HMGCLL1: variants seen among roughly 807,000 people sequenced by gnomAD.
The protein encoded by HMGCLL1 is 3-hydroxy-3-methylglutaryl-CoA lyase like 1, also known as 3-hydroxymethyl-3-methylglutaryl-CoA lyase, cytoplasmic.
In HMGCLL1, 36 loss-of-function variants were observed where a neutral mutation model predicts 39.1. The observed-to-expected ratio is 0.92, with a 90% confidence interval of 0.71 to 1.22. The LOEUF is 1.22. Among genes scored for constraint, HMGCLL1 ranks in the 50% most tolerant of loss-of-function variants. The probability of loss-of-function intolerance (pLI) is 0.00; values close to 1 mark genes in which losing one functional copy is unlikely to be tolerated. For missense variants in HMGCLL1, 451 were observed against 416.5 expected (o/e 1.08, Z -0.72); for synonymous variants, 149 against 144.0 (o/e 1.03, Z -0.25).
At chr6:55,656,202 C>CTAAT in the HMGCLL1 span, among the ~76,000 whole-genome samples, 1 of 151,720 alleles carries the variant, frequency 6.6e-6, no homozygotes, top group African/African-American at 2.4e-5. Context: ...ACATCATTAC[C>CTAAT]TAATTCATTT....
At chr6:55,556,280 G>C (rs1770661450) in intron 1 of HMGCLL1, among the ~76,000 whole-genome samples, 1 of 152,074 alleles carries the variant, frequency 6.6e-6, no homozygotes, top group African/African-American at 2.4e-5. Flanking sequence ...GGAACTAAGG[G>C]AATAAGAAAT....
chr6:55,616,512 G>A, the HMGCLL1 span, among the ~76,000 whole-genome samples: 7 of 152,094 alleles, frequency 4.6e-5, no homozygotes, highest in Admixed American at 2.6e-4. Context: ...ATCATGAGCT[G>A]AATAAATGGA....
the HMGCLL1 span, among the ~76,000 whole-genome samples, chr6:55,598,551 A>C: frequency 6.6e-6 from 1 of 152,206 alleles, no homozygotes; most frequent in African/African-American, 2.4e-5. Flanking sequence ...CATTTCTGAA[A>C]GTCCACCAGT....
intron 1 of HMGCLL1, among the ~76,000 whole-genome samples, chr6:55,574,113 ATGTG>A (rs901805690): frequency 7.2e-5 from 11 of 151,800 alleles, no homozygotes; most frequent in African/African-American, 2.4e-4. Context: ...AACATCATAT[ATGTG>A]TGTGTGTATA....
chr6:55,567,813 G>A (rs1039520306), intron 1 of HMGCLL1, among the ~76,000 whole-genome samples: 1 of 152,010 alleles, frequency 6.6e-6, no homozygotes, highest in South Asian at 2.1e-4. Context: ...TGCTAGCGTC[G>A]GAGTGCCAGA....
Position 55,516,523 on chromosome 6 carries a change from C to G in HMGCLL1, c.378G>C (p.Gln126His), listed in dbSNP as rs765874201. ...GCACACTTACAGCATGGTGAAAACCCTGAAGATTAGGAGTAAGGACAGGAT... is the reference window on the plus strand; with the variant it reads ...GCACACTTACAGCATGGTGAAAACCGTGAAGATTAGGAGTAAGGACAGGAT... ...VRYPVLTPNL[Q>H]GFHHAVAAGA... is the part of the protein sequence containing the mutation. The change falls in exon 4 of 9, where the codon CAG becomes CAC. Residue 126 changes from glutamine (Q) to histidine (H), a missense_variant. Transcript: ENST00000274901. 4.4e-6 allele frequency: 7 copies of G among 1,592,664 alleles called. No individual in the cohort carries two copies. The Admixed American group carries it at 6.7e-5, about 15-fold the overall frequency.
At chr6:55,559,679 T>C (rs530939141) in intron 1 of HMGCLL1, among the ~76,000 whole-genome samples, 3 of 152,322 alleles carry the variant, frequency 2.0e-5, no homozygotes, top group Non-Finnish European at 4.4e-5. Context: ...TTACAGAGTT[T>C]AGACATACTG....
chr6:55,581,416 T>G (rs941729827), upstream of HMGCLL1, among the ~76,000 whole-genome samples: 2 of 152,066 alleles, frequency 1.3e-5, no homozygotes, highest in African/African-American at 2.4e-5. Flanking sequence ...ACCAAATATC[T>G]TAAGAATGTT....
chr6:55,493,130 C>T lies in HMGCLL1; in HGVS notation c.795+2289G>A, dbSNP rs529726700. 5.5e-4 allele frequency among the ~76,000 whole-genome samples: 84 copies of T among 151,854 alleles called. 1 individual carries two copies. The highest frequency in any genetic ancestry group is 7.0e-3 in the Middle Eastern group (2 of 286). ...ATTTTATAAGAATATTCTTCTGGCA[C>T]CTGCAGTGCTACTAACCCATAAGTA... On this transcript the variant is annotated intron_variant, in intron 7 of 8. Transcript: ENST00000274901.
At chr6:55,675,499 C>T in the HMGCLL1 span, among the ~76,000 whole-genome samples, 1 of 152,202 alleles carries the variant, frequency 6.6e-6, no homozygotes, top group Admixed American at 6.5e-5. Flanking sequence ...TTCAAACTGA[C>T]TGAAATGTCA....
intron 3 of HMGCLL1, among the ~76,000 whole-genome samples, chr6:55,534,418 T>C (rs926718826): frequency 1.3e-5 from 2 of 152,132 alleles, no homozygotes; most frequent in African/African-American, 4.8e-5. Context: ...TATGAAAAAG[T>C]AATGCTATAA....
chr6:55,500,935 A>G (rs1766848975), intron 5 of HMGCLL1, among the ~76,000 whole-genome samples: 1 of 151,972 alleles, frequency 6.6e-6, no homozygotes, highest in Non-Finnish European at 1.5e-5. Flanking sequence ...TTCTCCTTCT[A>G]AATGTGAAAA....
At chr6:55,439,380 C>A (rs1461923227) in intron 8 of HMGCLL1, 54 bp downstream of exon 8, 11 of 1,542,970 alleles carry the variant, frequency 7.1e-6, no homozygotes, top group African/African-American at 1.4e-5. Context: ...AGAAGCTTTG[C>A]AATTTGGAGC....
chr6:55,603,230 C>T, the HMGCLL1 span, among the ~76,000 whole-genome samples: 3 of 152,216 alleles, frequency 2.0e-5, no homozygotes, highest in South Asian at 6.2e-4. Context: ...TTAAATATTA[C>T]ATAACCTAAG....
At chr6:55,548,713 A>G (rs942347588) in intron 1 of HMGCLL1, among the ~76,000 whole-genome samples, 4 of 151,978 alleles carry the variant, frequency 2.6e-5, no homozygotes, top group Admixed American at 6.6e-5. Flanking sequence ...CTACATTATG[A>G]ATAAAACAAA....
intron 7 of HMGCLL1, among the ~76,000 whole-genome samples, chr6:55,480,985 G>A (rs1158734350): frequency 6.6e-6 from 1 of 151,900 alleles, no homozygotes; most frequent in Non-Finnish European, 1.5e-5. Flanking sequence ...GGCTAGGAAG[G>A]GTAATGTCGT....
the HMGCLL1 span, among the ~76,000 whole-genome samples, chr6:55,596,177 A>C: frequency 6.6e-6 from 1 of 152,078 alleles, no homozygotes; most frequent in African/African-American, 2.4e-5. Flanking sequence ...AAGTACAAAA[A>C]TTAGCCGGAT....
chr6:55,478,933 T>A (rs1336716179), intron 7 of HMGCLL1, among the ~76,000 whole-genome samples: 2 of 151,626 alleles, frequency 1.3e-5, no homozygotes, highest in Non-Finnish European at 2.9e-5. Context: ...TTTACTATTA[T>A]CTTTCTACCT....
chr6:55,539,505 G>A (rs1044703075), intron 3 of HMGCLL1, among the ~76,000 whole-genome samples: 17 of 152,030 alleles, frequency 1.1e-4, no homozygotes, highest in Admixed American at 1.1e-3. Flanking sequence ...ATACTATACA[G>A]CCATAAAAAG....
Sources: allele counts gnomAD v4.1 joint callset (sites outside exome capture counted in the v4.1 genomes callset), GRCh38; gene constraint gnomAD v4.1.1; transcripts MANE v1.5; gene names NCBI Gene and HGNC (gene_info 2026-07-23, HGNC 2026-07-21).